PTPRJ: variants seen among roughly 807,000 people sequenced by gnomAD.
PTPRJ encodes the protein receptor-type tyrosine-protein phosphatase eta.
Under a neutral mutation model 141.3 loss-of-function variants are expected in PTPRJ, and 129 were observed. The ratio of observed to expected loss-of-function variants is 0.91; its 90% CI spans 0.79 to 1.06. PTPRJ has a LOEUF of 1.06. PTPRJ is among the 50% of genes least tolerant of loss of function. The pLI, the probability that PTPRJ is intolerant of heterozygous loss-of-function variation, is 0.00. For missense variants in PTPRJ, 1,601 were observed against 1,679.7 expected (o/e 0.95, Z 0.82); for synonymous variants, 610 against 640.5 (o/e 0.95, Z 0.72).
At chr11:48,005,684 C>T (rs1276611230) in intron 1 of PTPRJ, among the ~76,000 whole-genome samples, 1 of 152,098 alleles carries the variant, frequency 6.6e-6, no homozygotes, top group Non-Finnish European at 1.5e-5. Flanking sequence ...TTTGTGTGGC[C>T]ACGGGTTTTC....
At chr11:48,089,034 G>A (rs1590486932) in intron 1 of PTPRJ, among the ~76,000 whole-genome samples, 1 of 91,004 alleles carries the variant, frequency 1.1e-5, no homozygotes, top group Admixed American at 1.2e-4. Flanking sequence ...TTTCATCCCC[G>A]GTTAGCGTGC....
At chr11:48,002,533 A>G (rs1448672327) in intron 1 of PTPRJ, among the ~76,000 whole-genome samples, 1 of 152,206 alleles carries the variant, frequency 6.6e-6, no homozygotes, top group Non-Finnish European at 1.5e-5. Context: ...TGTGCTAGGC[A>G]TTGTGACTAT....
Position 48,156,575 on chromosome 11 carries a change from G to GTTTTTTTTTTT in PTPRJ, c.3438+456_3438+457insTTTTTTTTTTT, listed in dbSNP as rs1565332039. Among the ~76,000 whole-genome samples the GTTTTTTTTTTT allele has an allele frequency of 3.2e-5, 4 of 123,544 alleles. 2 individuals carry two copies. The highest frequency in any genetic ancestry group is 6.1e-5 in the African/African-American group (2 of 33,034). 81.0% of individuals were successfully genotyped at this position (123,544 alleles called of 152,430 possible). The stretch of plus-strand genomic sequence containing the variant: ...TGAACCCCTCCTGCCTCCACCCCAG[G>GTTTTTTTTTTT]GTTTTTTTTTTTTTTTTTTTTTTTT... On this transcript the variant is annotated intron_variant, in intron 21 of 24. Coordinates refer to ENST00000418331, the MANE Select transcript of PTPRJ (RefSeq NM_002843.4).
At chr11:48,114,567 G>A (rs1462795943) in intron 3 of PTPRJ, among the ~76,000 whole-genome samples, 1 of 151,294 alleles carries the variant, frequency 6.6e-6, no homozygotes, top group Non-Finnish European at 1.5e-5. Context: ...GCTTACTGTT[G>A]AAGGGCATTT....
chr11:48,079,114 C>T (rs1293182503), intron 1 of PTPRJ, among the ~76,000 whole-genome samples: 1 of 151,408 alleles, frequency 6.6e-6, no homozygotes, highest in Non-Finnish European at 1.5e-5. Context: ...TTGTCTTGGG[C>T]CCCACATAAA....
chr11:48,139,832 T>A lies in PTPRJ; in HGVS notation c.2443+56T>A, dbSNP rs557767391. The A allele has an allele frequency of 1.9e-6, 3 of 1,555,570 alleles. No individual in the cohort carries two copies. The East Asian group carries it at 6.8e-5, about 35-fold the overall frequency. Reference sequence around the variant, plus strand: ...GCACTGTGATCACTCCTGGAGCGGCTGACCCACAGTGGGTCTGCACGTGTG... The same window carrying A: ...GCACTGTGATCACTCCTGGAGCGGCAGACCCACAGTGGGTCTGCACGTGTG... On this transcript the variant is annotated intron_variant, in intron 11 of 24. Transcript: ENST00000418331.
chr11:48,095,793 C>G (rs1302964725), intron 1 of PTPRJ, among the ~76,000 whole-genome samples: 2 of 152,126 alleles, frequency 1.3e-5, no homozygotes, highest in East Asian at 3.9e-4. Flanking sequence ...GTTGGCCAGG[C>G]TGGTCTTGAA....
chr11:48,120,953 AC>A, intron 3 of PTPRJ, 49 bp from the exon 4 acceptor site: 1 of 1,465,402 alleles, frequency 6.8e-7, no homozygotes, highest in Non-Finnish European at 9.1e-7. Context: ...CCTCACTCTT[AC>A]ATTTCTTTTT....
intron 19 of PTPRJ, 68 bp from the exon 20 acceptor site, chr11:48,155,733 C>A: frequency 1.5e-6 from 2 of 1,309,248 alleles, no homozygotes; most frequent in South Asian, 1.4e-5. Flanking sequence ...ATTTTTTTTT[C>A]TGTTTTGTGT....
At chr11:48,089,317 G>A (rs1187646867) in intron 1 of PTPRJ, among the ~76,000 whole-genome samples, 1 of 152,082 alleles carries the variant, frequency 6.6e-6, no homozygotes, top group Non-Finnish European at 1.5e-5. Flanking sequence ...AAGAGTTTGA[G>A]ACTAGCCCGG....
At chr11:48,030,246 C>T (rs1853943820) in intron 1 of PTPRJ, among the ~76,000 whole-genome samples, 1 of 152,186 alleles carries the variant, frequency 6.6e-6, no homozygotes, top group African/African-American at 2.4e-5. Context: ...TGTATAACAA[C>T]AGCAACAAAT....
Position 48,112,793 on chromosome 11 carries a change from G to T in PTPRJ, c.162G>T (p.Gly54=). The change falls in exon 3 of 25, where the codon GGG becomes GGT. Residue 54 remains glycine, a synonymous_variant. Coordinates refer to ENST00000418331, the MANE Select transcript of PTPRJ (RefSeq NM_002843.4). Reference sequence around the variant, plus strand: ...CTTCAGTAGCAACTGTTGCCACAGGGGAAAATGGCATAACGCAGATCAGCA... The same window carrying T: ...CTTCAGTAGCAACTGTTGCCACAGGTGAAAATGGCATAACGCAGATCAGCA... ...PDPSVATVAT[G]ENGITQISST... The T allele has an allele frequency of 2.5e-6, 4 of 1,614,182 alleles. No individual in the cohort carries two copies. The highest frequency in any genetic ancestry group is 3.4e-6 in the Non-Finnish European group (4 of 1,180,020).
chr11:48,062,280 G>T (rs931369504), intron 1 of PTPRJ, among the ~76,000 whole-genome samples: 1 of 151,920 alleles, frequency 6.6e-6, no homozygotes, highest in African/African-American at 2.4e-5. Context: ...TTGGGAGGCC[G>T]AGGCGGGCGG....
At chr11:48,148,055 G>A (rs1302800789) in intron 15 of PTPRJ, among the ~76,000 whole-genome samples, 3 of 152,154 alleles carry the variant, frequency 2.0e-5, no homozygotes, top group African/African-American at 7.2e-5. Context: ...ATGTTGGCCA[G>A]GCTGGTCTCG....
At position 48,021,421 on chromosome 11, in the gene PTPRJ, A is replaced by AAAT. The variant is rs1176954005; in HGVS notation, c.96+40415_96+40416insTAA. ...TAAATAAATAAATAAATAAATAAAT[A>AAAT]AAATAAAATAAAATAAATAAAAAAA... On this transcript the variant is annotated intron_variant, in intron 1 of 24. Coordinates refer to ENST00000418331, the MANE Select transcript of PTPRJ (RefSeq NM_002843.4). 8.0e-3 allele frequency among the ~76,000 whole-genome samples: 741 copies of AAAT among 92,772 alleles called. 2 individuals are homozygous for AAAT. The highest frequency in any genetic ancestry group is 0.021 in the Middle Eastern group (4 of 190). The allele number at this position is 92,772 out of a possible 152,430, so 60.9% of individuals were successfully genotyped here. A position where few individuals can be genotyped will look rare whatever the true frequency, so the allele number is the denominator to read the frequency against.
At position 47,980,568 on chromosome 11, in the gene PTPRJ, C is replaced by T. The variant is rs1853866677; in HGVS notation, c.-345C>T. On this transcript the variant is annotated 5_prime_UTR_variant, in exon 1 of 25. Coordinates refer to ENST00000418331, the MANE Select transcript of PTPRJ (RefSeq NM_002843.4). The stretch of plus-strand genomic sequence containing the variant: ...CGCGGCTCCCTGCAGCAGCCCCAGC[C>T]GCATGACGCGCGGAGGAGGCAGCGG... The T allele has an allele frequency of 3.1e-6, 3 of 982,804 alleles. No individual in the cohort carries two copies. Among genetic ancestry groups the T allele is most frequent in the Non-Finnish European group, 3.6e-6 (3 of 828,978 alleles). The allele number at this position is 982,804 out of a possible 1,614,324, so 60.9% of individuals were successfully genotyped here. A position where few individuals can be genotyped will look rare whatever the true frequency, so the allele number is the denominator to read the frequency against.
At position 48,144,863 on chromosome 11, in the gene PTPRJ, C is replaced by T. The variant is rs1441778864; in HGVS notation, c.2764C>T (p.Leu922=). Reference sequence around the variant, plus strand: ...CACACTTGGTTATTACAATGGGAAGCTGGAACCTCTGGGCTCCTACCGGTA... The same window carrying T: ...CACACTTGGTTATTACAATGGGAAGTTGGAACCTCTGGGCTCCTACCGGTA... ...STTLGYYNGK[L]EPLGSYRACV... is the part of the protein sequence containing the mutation. The change falls in exon 13 of 25, where the codon CTG becomes TTG. Residue 922 remains leucine, a synonymous_variant. Transcript: ENST00000418331. 12 of 1,614,192 alleles carry T rather than the reference C, an allele frequency of 7.4e-6. No homozygotes were observed. Among genetic ancestry groups the T allele is most frequent in the Non-Finnish European group, 1.0e-5 (12 of 1,180,026 alleles).
chr11:48,022,778 G>T (rs1033052756), intron 1 of PTPRJ, among the ~76,000 whole-genome samples: 1 of 152,184 alleles, frequency 6.6e-6, no homozygotes, highest in Admixed American at 6.5e-5. Flanking sequence ...ATTTTGGTTT[G>T]TGGGAAGAAA....
At position 48,106,772 on chromosome 11, in the gene PTPRJ, T is replaced by C. The variant is rs1433095961; in HGVS notation, c.97-3286T>C. ...TTTTCTTTCTTTCTTTCTTTTTTTT[T>C]TTTTTTTTTTTTTTAAGACAGAGTC... On this transcript the variant is annotated intron_variant, in intron 1 of 24. Coordinates refer to ENST00000418331, the MANE Select transcript of PTPRJ (RefSeq NM_002843.4). Among the ~76,000 whole-genome samples the C allele has an allele frequency of 1.3e-4, 18 of 141,402 alleles. 1 individual carries two copies. The South Asian group carries it at 3.1e-3, about 25-fold the overall frequency. The allele number at this position is 141,402 out of a possible 152,430, so 92.8% of individuals were successfully genotyped here.
Sources: allele counts gnomAD v4.1 joint callset (sites outside exome capture counted in the v4.1 genomes callset), GRCh38; gene constraint gnomAD v4.1.1; transcripts MANE v1.5; gene names NCBI Gene and HGNC (gene_info 2026-07-23, HGNC 2026-07-21).